PLEKHG3: variants seen among roughly 807,000 people sequenced by gnomAD.
PLEKHG3 encodes the protein pleckstrin homology and RhoGEF domain containing G3, also known as pleckstrin homology domain-containing family G member 3.
PLEKHG3 carries 62 observed loss-of-function variants against 94.9 expected under a neutral mutation model. That is an observed-to-expected ratio of 0.65 (90% CI 0.53 to 0.81). PLEKHG3 has a LOEUF of 0.81. PLEKHG3 is among the 30% of genes least tolerant of loss of function. The pLI is 0.00. For missense variants in PLEKHG3, 1,461 were observed against 1,619.3 expected (o/e 0.90, Z 1.68); for synonymous variants, 614 against 654.0 (o/e 0.94, Z 0.93).
chr14:64,738,645 A>C lies in PLEKHG3; in HGVS notation c.1405-97A>C. ...CCAAGACTGGCTCTCAGCTCAGCCC[A>C]GCCCCTTGGGGCGTGGGAGGCACTG... On this transcript the variant is annotated intron_variant, in intron 14 of 16. Transcript: ENST00000247226. The surrounding 1 kb of genome is among the most constrained non-coding windows in gnomAD (Gnocchi z 4.8). 1.1e-6 allele frequency: 1 copy of C among 886,906 alleles called. No homozygotes were observed. Among genetic ancestry groups the C allele is most frequent in the Non-Finnish European group, 1.8e-6 (1 of 548,336 alleles). The allele number at this position is 886,906 out of a possible 1,614,324, so 54.9% of individuals were successfully genotyped here.
At chr14:64,733,054 C>T (rs2081502664) in intron 12 of PLEKHG3, among the ~76,000 whole-genome samples, 153 bp downstream of exon 12, 1 of 152,152 alleles carries the variant, frequency 6.6e-6, no homozygotes, top group South Asian at 2.1e-4. Context: ...TGGGGCTCAT[C>T]CTCTCCCTGT....
chr14:64,730,947 C>T lies in PLEKHG3; in HGVS notation c.715C>T (p.Gln239Ter). Residue 239 changes from glutamine to a stop codon, truncating the protein, a stop_gained and splice_region_variant, in exon 6 of 17, where the codon CAG becomes TAG. Coordinates refer to ENST00000247226, the MANE Select transcript of PLEKHG3 (RefSeq NM_001308147.2). LOFTEE classifies it high-confidence loss of function. This position sits in a 1 kb window ranked among gnomAD's most constrained non-coding sequence, Gnocchi z 5.4. ...CATCCTCAAGTACCACCTGCTGCTC[C>T]AGGTAGCCCCTCGGTCCTCCCAAGC... is the stretch of plus-strand genomic sequence containing the variant. ...QRILKYHLLL[Q>*]EIAKHFDEEE... The T allele has an allele frequency of 1.2e-6, 2 of 1,613,030 alleles. No individual in the cohort carries two copies. Among genetic ancestry groups the T allele is most frequent in the Admixed American group, 1.7e-5 (1 of 60,026 alleles).
At chr14:64,736,559 C>T (rs1429074193) in intron 12 of PLEKHG3, among the ~76,000 whole-genome samples, 1 of 152,162 alleles carries the variant, frequency 6.6e-6, no homozygotes, top group African/African-American at 2.4e-5. Flanking sequence ...GGCTCCTGCG[C>T]GAGGGCCCTG....
At position 64,741,952 on chromosome 14, in the gene PLEKHG3, C is replaced by T. The variant is rs749164455; in HGVS notation, c.2435C>T (p.Ser812Leu). The change falls in exon 16 of 17, where the codon TCA (serine) becomes TTA (leucine). Residue 812 changes from serine (S) to leucine (L), a missense_variant. Physicochemically the swap from Ser to Leu is moderately radical, Grantham distance 145. This residue lies in a region of PLEKHG3 where 1,201 missense variants were observed against 1,295.5 expected (regional missense o/e 0.93). Coordinates refer to ENST00000247226, the MANE Select transcript of PLEKHG3 (RefSeq NM_001308147.2). Reference protein sequence around the residue: ...PISDAEFRPSSEIVKIWEGME... With the variant: ...PISDAEFRPSLEIVKIWEGME... ...TCAGATGCTGAGTTCCGCCCATCTT[C>T]AGAAATTGTGAAGATCTGGGAGGGA... 6.3e-7 allele frequency: 1 copy of T among 1,577,722 alleles called. No individual in the cohort carries two copies. Among genetic ancestry groups the T allele is most frequent in the Non-Finnish European group, 8.6e-7 (1 of 1,163,880 alleles).
In PLEKHG3 at chr14:64,716,464, ACAAC is replaced by A. The variant is rs1190621449; in HGVS notation, c.-39-11128_-39-11125del. ...CACACACACACACACACACACACACACAACACACACACACACAACACACACACAC... is the reference window on the plus strand; with the variant it reads ...CACACACACACACACACACACACACAACACACACACACAACACACACACAC... On this transcript the variant is annotated intron_variant, in intron 1 of 16. Transcript: ENST00000247226. This position sits in a 1 kb window ranked among gnomAD's most constrained non-coding sequence, Gnocchi z 5.0. Among the ~76,000 whole-genome samples the A allele has an allele frequency of 1.1e-4, 13 of 114,980 alleles. No individual in the cohort carries two copies. Among genetic ancestry groups the A allele is most frequent in the African/African-American group, 3.3e-4 (10 of 30,380 alleles). The allele number at this position is 114,980 out of a possible 152,430, so 75.4% of individuals were successfully genotyped here.
At position 64,728,918 on chromosome 14, in the gene PLEKHG3, C is replaced by G. The variant is rs887471196; in HGVS notation, c.352-78C>G. 5.0e-6 allele frequency: 3 copies of G among 599,242 alleles called. No individual in the cohort carries two copies. Among genetic ancestry groups the G allele is most frequent in the African/African-American group, 3.7e-5 (2 of 53,724 alleles). 37.1% of individuals were successfully genotyped at this position (599,242 alleles called of 1,614,324 possible). ...CCGTGAAGTGGTGTTACAGCAGGGCCGAAACGAGGTGTGGCTAGGGAAGGT... is the reference window on the plus strand; with the variant it reads ...CCGTGAAGTGGTGTTACAGCAGGGCGGAAACGAGGTGTGGCTAGGGAAGGT... On this transcript the variant is annotated intron_variant, in intron 2 of 16. Coordinates refer to ENST00000247226, the MANE Select transcript of PLEKHG3 (RefSeq NM_001308147.2). The surrounding 1 kb of genome is among the most constrained non-coding windows in gnomAD (Gnocchi z 5.9).
chr14:64,706,681 C>A (rs916508571), intron 1 of PLEKHG3, among the ~76,000 whole-genome samples: 1 of 152,260 alleles, frequency 6.6e-6, no homozygotes, highest in African/African-American at 2.4e-5. Context: ...GTCTTAATAT[C>A]TCAGCCCCAG....
rs2081289004 is a variant in PLEKHG3 at position 64,722,955 on chromosome 14, C to G, written c.-39-4638C>G. Among the ~76,000 whole-genome samples, 1 of 152,154 alleles carries G rather than the reference C, an allele frequency of 6.6e-6. No individual in the cohort carries two copies. The highest frequency in any genetic ancestry group is 6.5e-5 in the Admixed American group (1 of 15,288). On this transcript the variant is annotated intron_variant, in intron 1 of 16. Transcript: ENST00000247226. This position sits in a 1 kb window ranked among gnomAD's most constrained non-coding sequence, Gnocchi z 4.3. ...TGACAGGAGACCTGAGGACAGAACACTGAGGCTGTTGTGGGTTATGAGGGT... is the reference window on the plus strand; with the variant it reads ...TGACAGGAGACCTGAGGACAGAACAGTGAGGCTGTTGTGGGTTATGAGGGT...
rs397954215 is a variant in PLEKHG3, at chr14:64,744,771, A to ATTTTTTTTTTTTTTTTTTTTTTTTTT, written c.*1088_*1089insTTTTTTTTTTTTTTTTTTTTTTTTTT. Reference sequence around the variant, plus strand: ...CCAGGAAACATCCTAGAAGACAAGGATTTTTTTTTTTTTTTTTTTTGAGAC... The same window carrying ATTTTTTTTTTTTTTTTTTTTTTTTTT: ...CCAGGAAACATCCTAGAAGACAAGGATTTTTTTTTTTTTTTTTTTTTTTTTTTTTTTTTTTTTTTTTTTTTTGAGAC... On this transcript the variant is annotated 3_prime_UTR_variant, in exon 17 of 17. Transcript: ENST00000247226. The ATTTTTTTTTTTTTTTTTTTTTTTTTT allele has an allele frequency of 4.9e-5, 6 of 122,018 alleles. No individual in the cohort carries two copies. Among genetic ancestry groups the ATTTTTTTTTTTTTTTTTTTTTTTTTT allele is most frequent in the African/African-American group, 2.0e-4 (6 of 29,498 alleles). 7.6% of individuals were successfully genotyped at this position (122,018 alleles called of 1,614,324 possible).
At chr14:64,736,935 G>C in intron 13 of PLEKHG3, 44 bp downstream of exon 13, 1 of 1,442,044 alleles carries the variant, frequency 6.9e-7, no homozygotes. Flanking sequence ...AGCGGGGGAG[G>C]AGGAGGGAGG....
chr14:64,715,944 G>T lies in PLEKHG3; in HGVS notation c.-40+11240G>T, dbSNP rs1165138462. The T allele has an allele frequency of 9.2e-6, 4 of 436,476 alleles. No individual in the cohort carries two copies. The East Asian group carries it at 2.9e-4, about 31-fold the overall frequency. The allele number at this position is 436,476 out of a possible 1,614,324, so 27.0% of individuals were successfully genotyped here. A position where few individuals can be genotyped will look rare whatever the true frequency, so the allele number is the denominator to read the frequency against. The stretch of plus-strand genomic sequence containing the variant: ...TTGACGAAGTTTTGCAGGAGGCGGC[G>T]GGCGCTTTAATTCCCGAGGCTGTTG... On this transcript the variant is annotated intron_variant, in intron 1 of 16. Transcript: ENST00000247226. The surrounding 1 kb of genome is among the most constrained non-coding windows in gnomAD (Gnocchi z 4.4).
chr14:64,741,836 C>T lies in PLEKHG3; in HGVS notation c.2319C>T (p.Ser773=). The change falls in exon 16 of 17, where the codon AGC becomes AGT. Residue 773 remains serine (S), a synonymous_variant. Coordinates refer to ENST00000247226, the MANE Select transcript of PLEKHG3 (RefSeq NM_001308147.2). ...PDPEPVPPVG[S]KRQVGSRPTS... ...CAGAGCCAGTACCTCCAGTGGGGAG[C>T]AAGAGACAGGTGGGCTCCCGGCCGA... The T allele has an allele frequency of 6.2e-7, 1 of 1,613,624 alleles. No individual in the cohort carries two copies.
At chr14:64,742,921 C>T in intron 16 of PLEKHG3, 61 bp from the exon 17 acceptor site, 1 of 1,575,616 alleles carries the variant, frequency 6.3e-7, no homozygotes, top group Non-Finnish European at 8.7e-7. Flanking sequence ...CTGCTCAGAG[C>T]ACCCCCTTGC....
rs1165292932 is a variant in PLEKHG3, at chr14:64,716,526, C to CACACA, written c.-39-11066_-39-11062dup. 3.4e-5 allele frequency among the ~76,000 whole-genome samples: 5 copies of CACACA among 145,954 alleles called. No individual in the cohort carries two copies. Among genetic ancestry groups the CACACA allele is most frequent in the Non-Finnish European group, 4.5e-5 (3 of 66,814 alleles). On this transcript the variant is annotated intron_variant, in intron 1 of 16. Transcript: ENST00000247226. This position sits in a 1 kb window ranked among gnomAD's most constrained non-coding sequence, Gnocchi z 5.0. Reference sequence around the variant, plus strand: ...ACACACACACACACACACACACACACACACACACACACACACACACACACA... The same window carrying CACACA: ...ACACACACACACACACACACACACACACACAACACACACACACACACACACACACA...
In PLEKHG3 at chr14:64,731,424, C is replaced by T; in HGVS notation, c.913C>T (p.Leu305=). 6.2e-7 allele frequency: 1 copy of T among 1,614,042 alleles called. No individual in the cohort carries two copies. The highest frequency in any genetic ancestry group is 8.5e-7 in the Non-Finnish European group (1 of 1,179,904). Reference sequence around the variant, plus strand: ...CCTGACCACCTACGGGGAGCTTGTCCTGGAGGGCACATTCCGCGTGCATCG... The same window carrying T: ...CCTGACCACCTACGGGGAGCTTGTCTTGGAGGGCACATTCCGCGTGCATCG... ...PDLTTYGELV[L]EGTFRVHRVR... Residue 305 remains leucine, a synonymous_variant, in exon 8 of 17, where the codon CTG becomes TTG. Transcript: ENST00000247226. The surrounding 1 kb of genome is among the most constrained non-coding windows in gnomAD (Gnocchi z 6.1).
chr14:64,733,597 C>T (rs1366342450), intron 12 of PLEKHG3, among the ~76,000 whole-genome samples: 1 of 152,144 alleles, frequency 6.6e-6, no homozygotes, highest in South Asian at 2.1e-4. Flanking sequence ...TTGGACATGG[C>T]GGATGGGCCC....
chr14:64,725,536 A>C lies in PLEKHG3; in HGVS notation c.-39-2057A>C, dbSNP rs2081334645. On this transcript the variant is annotated intron_variant, in intron 1 of 16. Coordinates refer to ENST00000247226, the MANE Select transcript of PLEKHG3 (RefSeq NM_001308147.2). The surrounding 1 kb of genome is among the most constrained non-coding windows in gnomAD (Gnocchi z 5.0). ...CCTGCCTGCTGGTTCTGTAAAAGGC[A>C]TAGCTGATTAATTGTAAAGGCCCTT... Among the ~76,000 whole-genome samples, 2 of 152,210 alleles carry C rather than the reference A, an allele frequency of 1.3e-5. No homozygotes were observed.
In PLEKHG3 at chr14:64,750,231, T is replaced by A; in HGVS notation, c.*6528T>A. 1 of 1,430,326 alleles carries A rather than the reference T, an allele frequency of 7.0e-7. No homozygotes were observed. Among genetic ancestry groups the A allele is most frequent in the Admixed American group, 2.3e-5 (1 of 43,000 alleles). 88.6% of individuals were successfully genotyped at this position (1,430,326 alleles called of 1,614,324 possible). ...GAGTCAATTCCTATAGCTTCACCAT[T>A]AAAAAAAATTACACCATGTTTGTTC... is the stretch of plus-strand genomic sequence containing the variant. On this transcript the variant is annotated 3_prime_UTR_variant, in exon 17 of 17. Coordinates refer to ENST00000247226, the MANE Select transcript of PLEKHG3 (RefSeq NM_001308147.2).
chr14:64,734,075 G>T (rs973862918), intron 12 of PLEKHG3, among the ~76,000 whole-genome samples: 33 of 152,340 alleles, frequency 2.2e-4, no homozygotes, highest in African/African-American at 7.5e-4. Flanking sequence ...GAATGTGTGT[G>T]TGGATTGACA....
Sources: allele counts gnomAD v4.1 joint callset (sites outside exome capture counted in the v4.1 genomes callset), GRCh38; gene constraint gnomAD v4.1.1; regional missense constraint gnomAD v4.1.1; non-coding constraint Gnocchi (gnomAD v3.1); transcripts MANE v1.5; gene names NCBI Gene and HGNC (gene_info 2026-07-23, HGNC 2026-07-21).